The following ARHGEF3 variants were observed in gnomAD, a reference collection of about 807,000 sequenced individuals.
The protein encoded by ARHGEF3 is 59.8 kDA protein.
ARHGEF3 carries 28 observed loss-of-function variants against 63.2 expected under a neutral mutation model. The observed-to-expected ratio is 0.44, with a 90% CI of 0.33 to 0.61. ARHGEF3 has a LOEUF of 0.61. Among genes scored for constraint, ARHGEF3 ranks in the 20% least tolerant of loss-of-function variants. ARHGEF3 has a pLI of 0.03. For missense variants in ARHGEF3, 533 were observed against 659.3 expected, an observed-to-expected ratio of 0.81 and a Z score of 2.10; for synonymous variants, 266 against 254.2, an observed-to-expected ratio of 1.05 and a Z score of -0.44.
chr3:57,002,448 C>T (rs1702238386), intron 2 of ARHGEF3, among the ~76,000 whole-genome samples: 1 of 21,336 alleles, frequency 4.7e-5, no homozygotes, highest in African/African-American at 1.1e-4. Flanking sequence ...ATATGCCAGG[C>T]ACTGTTCTAA....
At chr3:56,914,924 G>A (rs954720804) in intron 3 of ARHGEF3, among the ~76,000 whole-genome samples, 22 of 152,140 alleles carry the variant, frequency 1.4e-4, no homozygotes, top group African/African-American at 5.3e-4. Flanking sequence ...ATGGATGGTG[G>A]TGATGGTTGC....
intron 3 of ARHGEF3, among the ~76,000 whole-genome samples, chr3:56,923,294 T>TAAAA (rs1338939360): frequency 9.1e-5 from 11 of 121,124 alleles, no homozygotes; most frequent in Admixed American, 5.3e-4. Flanking sequence ...TTTGTATAGG[T>TAAAA]TTTAATTTTT....
intron 1 of ARHGEF3, among the ~76,000 whole-genome samples, chr3:57,046,096 G>C (rs1704440248): frequency 6.6e-6 from 1 of 152,194 alleles, no homozygotes; most frequent in Admixed American, 6.5e-5. Context: ...TACCTAGCTA[G>C]CCACTTAGAG....
Position 56,745,453 on chromosome 3 carries a change from G to C in ARHGEF3, c.622C>G (p.Leu208Val). ...CTGCAGTAGCTATCATAGGAGCTGA[G>C]GCAAGGGAGCTAAGAAGGAAACAGA... The part of the protein sequence containing the change: ...GPILVGWLPC[L>V]SSYDSYCSNQ... The change falls in exon 7 of 10, where the codon CTC becomes GTC. Residue 208 changes from leucine to valine, a missense_variant. Coordinates refer to ENST00000296315, the MANE Select transcript of ARHGEF3 (RefSeq NM_019555.3). 1 of 1,613,612 alleles carries C rather than the reference G, an allele frequency of 6.2e-7. No homozygotes were observed. Among genetic ancestry groups the C allele is most frequent in the Non-Finnish European group, 8.5e-7 (1 of 1,179,832 alleles).
chr3:56,973,596 T>C (rs530417061), intron 2 of ARHGEF3, among the ~76,000 whole-genome samples: 1 of 152,046 alleles, frequency 6.6e-6, no homozygotes, highest in Non-Finnish European at 1.5e-5. Context: ...AAGAGCCCCA[T>C]GAGGGTAGGA....
intron 3 of ARHGEF3, among the ~76,000 whole-genome samples, chr3:56,903,096 AG>A (rs2041575836): frequency 6.6e-6 from 1 of 152,032 alleles, no homozygotes; most frequent in African/African-American, 2.4e-5. Context: ...ACACAGAGAG[AG>A]AGAGAGAGAA....
At chr3:57,045,058 G>A (rs1560158319) in intron 1 of ARHGEF3, among the ~76,000 whole-genome samples, 1 of 152,154 alleles carries the variant, frequency 6.6e-6, no homozygotes, top group African/African-American at 2.4e-5. Flanking sequence ...CCTGAACTCA[G>A]GAGTTCAAGA....
intron 1 of ARHGEF3, among the ~76,000 whole-genome samples, chr3:57,054,864 T>C (rs984236765): frequency 6.6e-6 from 1 of 151,728 alleles, no homozygotes; most frequent in East Asian, 2.0e-4. Flanking sequence ...TTGGCCAGTA[T>C]GATCTCAATC....
At chr3:56,963,342 T>C (rs1426111148) in intron 2 of ARHGEF3, among the ~76,000 whole-genome samples, 1 of 152,208 alleles carries the variant, frequency 6.6e-6, no homozygotes, top group East Asian at 1.9e-4. Flanking sequence ...AGGCTCATAT[T>C]GGAGGGCCAA....
intron 3 of ARHGEF3, among the ~76,000 whole-genome samples, chr3:56,899,661 G>A (rs917933141): frequency 6.6e-6 from 1 of 152,158 alleles, no homozygotes; most frequent in Non-Finnish European, 1.5e-5. Flanking sequence ...GGTCAAAGGT[G>A]ATTCACAAAT....
intron 1 of ARHGEF3, among the ~76,000 whole-genome samples, chr3:57,039,370 G>T (rs1286699169): frequency 6.6e-6 from 1 of 152,118 alleles, no homozygotes. Context: ...AACATAAATT[G>T]GTCCCACCAT....
At chr3:56,829,869 T>C (rs1422579859) in intron 4 of ARHGEF3, among the ~76,000 whole-genome samples, 2 of 152,164 alleles carry the variant, frequency 1.3e-5, no homozygotes, top group African/African-American at 4.8e-5. Context: ...ATCCACAGAA[T>C]GTCAGGACTT....
chr3:56,800,898 C>G (rs1466047900), intron 1 of ARHGEF3, among the ~76,000 whole-genome samples: 18 of 152,246 alleles, frequency 1.2e-4, no homozygotes, highest in Non-Finnish European at 1.5e-5. Flanking sequence ...GGGATGCTTT[C>G]TCCTCCAGCT....
intron 1 of ARHGEF3, among the ~76,000 whole-genome samples, chr3:57,053,704 G>A (rs922783730): frequency 6.6e-5 from 10 of 152,288 alleles, no homozygotes; most frequent in African/African-American, 2.4e-4. Flanking sequence ...TTGACTTCTA[G>A]TGGCATGGAT....
intron 4 of ARHGEF3, among the ~76,000 whole-genome samples, chr3:56,878,675 C>A (rs905333258): frequency 2.6e-5 from 4 of 152,164 alleles, no homozygotes; most frequent in African/African-American, 9.7e-5. Context: ...GTAAAATTTC[C>A]TGTGCTATCA....
At chr3:56,861,850 C>G (rs2040083292) in intron 4 of ARHGEF3, among the ~76,000 whole-genome samples, 1 of 142,336 alleles carries the variant, frequency 7.0e-6, no homozygotes, top group South Asian at 2.3e-4. Flanking sequence ...GTGAATGAAG[C>G]CTTCTAACCT....
At chr3:57,056,692 T>C (rs938093123) in intron 1 of ARHGEF3, among the ~76,000 whole-genome samples, 2 of 152,168 alleles carry the variant, frequency 1.3e-5, no homozygotes, top group African/African-American at 4.8e-5. Flanking sequence ...TCTTTCTTTT[T>C]AGTTTTTTGT....
At chr3:57,001,405 G>A (rs1162495535) in intron 2 of ARHGEF3, among the ~76,000 whole-genome samples, 1 of 152,144 alleles carries the variant, frequency 6.6e-6, no homozygotes, top group Non-Finnish European at 1.5e-5. Flanking sequence ...TTTGCCATTT[G>A]TACAAACAAC....
At chr3:56,915,887 G>A (rs1468204330) in intron 3 of ARHGEF3, among the ~76,000 whole-genome samples, 1 of 152,164 alleles carries the variant, frequency 6.6e-6, no homozygotes, top group African/African-American at 2.4e-5. Flanking sequence ...CAAAACAGAA[G>A]GCAGATGCAT....
Sources: gnomAD v4.1 joint callset for allele counts (sites outside exome capture counted in the v4.1 genomes callset) on GRCh38, gnomAD v4.1.1 for gene constraint, MANE v1.5 for transcripts, NCBI Gene and HGNC (gene_info 2026-07-23, HGNC 2026-07-21) for gene names.